KHDRBS3: variants seen among roughly 807,000 people sequenced by gnomAD.
The protein encoded by KHDRBS3 is KH RNA binding domain containing, signal transduction associated 3.
A neutral mutation model predicts 45.6 loss-of-function variants in KHDRBS3; 23 were observed. That is an observed-to-expected ratio of 0.50 (90% CI 0.36 to 0.72). The LOEUF is 0.72. Ranked by LOEUF, KHDRBS3 falls within the 30% of genes least tolerant of loss-of-function variation. The pLI is 0.00. For synonymous variants in KHDRBS3, 162 were observed against 156.5 expected (o/e 1.04, Z -0.26); for missense variants, 352 against 424.8 (o/e 0.83, Z 1.51).
intron 7 of KHDRBS3, chr8:135,625,408 G>T: frequency 1.3e-6 from 1 of 779,236 alleles, no homozygotes; most frequent in Non-Finnish European, 2.3e-6. Flanking sequence ...CAACTCAGCT[G>T]CCTCATCGTG....
chr8:135,620,893 A>C lies in KHDRBS3; in HGVS notation c.890+13856A>C, dbSNP rs1192662998. ...CCATCTCCTTTTTATAGAGTCCTGC[A>C]GCAGCAGGGACCCTTTTGTACTCAT... On this transcript the variant is annotated intron_variant, in intron 7 of 8. Coordinates refer to ENST00000355849, the MANE Select transcript of KHDRBS3 (RefSeq NM_006558.3). Among the ~76,000 whole-genome samples, 3 of 152,196 alleles carry C rather than the reference A, an allele frequency of 2.0e-5. No individual in the cohort carries two copies. In the East Asian group the frequency reaches 5.8e-4, roughly 29 times the overall value.
chr8:135,575,394 A>G (rs1424860623), intron 5 of KHDRBS3, among the ~76,000 whole-genome samples: 2 of 152,128 alleles, frequency 1.3e-5, no homozygotes, highest in Non-Finnish European at 2.9e-5. Context: ...CAGCGATGCC[A>G]CACTGTCCTT....
chr8:135,489,672 C>T (rs1374556178), intron 1 of KHDRBS3, among the ~76,000 whole-genome samples: 1 of 152,084 alleles, frequency 6.6e-6, no homozygotes, highest in Non-Finnish European at 1.5e-5. Context: ...CAGAGCGAGA[C>T]TCCATCTCAA....
chr8:135,497,125 C>T (rs1181402764), intron 1 of KHDRBS3, among the ~76,000 whole-genome samples: 5 of 151,950 alleles, frequency 3.3e-5, no homozygotes, highest in East Asian at 1.9e-4. Flanking sequence ...TTGGGACCAT[C>T]GTCGTCATTT....
Position 135,547,658 on chromosome 8 carries a change from T to G in KHDRBS3, c.325-1096T>G, listed in dbSNP as rs572718166. On this transcript the variant is annotated intron_variant, in intron 3 of 8. Transcript: ENST00000355849. ...AGGGCTATGTGCCTCTAGCATTTATTTTATTATTGGCCTCTTGCTTAATTG... is the reference window on the plus strand; with the variant it reads ...AGGGCTATGTGCCTCTAGCATTTATGTTATTATTGGCCTCTTGCTTAATTG... 2.0e-4 allele frequency among the ~76,000 whole-genome samples: 30 copies of G among 152,326 alleles called. 1 individual carries two copies. Among genetic ancestry groups the G allele is most frequent in the Admixed American group, 1.8e-3 (28 of 15,302 alleles).
At chr8:135,639,398 A>G (rs1172761596) in intron 7 of KHDRBS3, among the ~76,000 whole-genome samples, 3 of 152,184 alleles carry the variant, frequency 2.0e-5, no homozygotes, top group Admixed American at 6.5e-5. Flanking sequence ...AGGCCTGCGT[A>G]TTTGAAGGAT....
chr8:135,575,586 A>G (rs1454090775), intron 5 of KHDRBS3, among the ~76,000 whole-genome samples: 1 of 152,222 alleles, frequency 6.6e-6, no homozygotes, highest in Non-Finnish European at 1.5e-5. Context: ...GTGCTAATTA[A>G]TATCTTATTG....
chr8:135,492,451 G>A (rs994558467), intron 1 of KHDRBS3, among the ~76,000 whole-genome samples: 12 of 151,330 alleles, frequency 7.9e-5, no homozygotes, highest in African/African-American at 2.4e-4. Flanking sequence ...TGAGATATAT[G>A]TTCTACTTCC....
intron 5 of KHDRBS3, among the ~76,000 whole-genome samples, chr8:135,563,457 G>A (rs571298613): frequency 2.6e-5 from 4 of 152,306 alleles, no homozygotes; most frequent in African/African-American, 4.8e-5. Context: ...CTTCCTCTCA[G>A]CCAGAAGCTG....
chr8:135,503,865 G>C (rs112819897), intron 1 of KHDRBS3, among the ~76,000 whole-genome samples: 17 of 151,906 alleles, frequency 1.1e-4, no homozygotes, highest in African/African-American at 3.6e-4. Flanking sequence ...CTTTTTTTGT[G>C]ATCAGCATAT....
chr8:135,628,421 G>T (rs1373527820), intron 7 of KHDRBS3, among the ~76,000 whole-genome samples: 2 of 152,190 alleles, frequency 1.3e-5, no homozygotes, highest in Non-Finnish European at 2.9e-5. Context: ...CACAGTAGAA[G>T]TGGTGAGAGC....
Position 135,542,637 on chromosome 8 carries a change from T to C in KHDRBS3, c.208-17T>C, listed in dbSNP as rs200926745. ...TCACATATAAATGCTACAAATTTGG[T>C]TGTTTATTTTTCCTAGTTCAACTTT... On this transcript the variant is annotated splice_polypyrimidine_tract_variant and intron_variant, in intron 2 of 8. Coordinates refer to ENST00000355849, the MANE Select transcript of KHDRBS3 (RefSeq NM_006558.3). The C allele has an allele frequency of 1.3e-6, 2 of 1,516,052 alleles. No individual in the cohort carries two copies. Among genetic ancestry groups the C allele is most frequent in the Non-Finnish European group, 1.8e-6 (2 of 1,092,334 alleles). The allele number at this position is 1,516,052 out of a possible 1,614,324, so 93.9% of individuals were successfully genotyped here. A position where few individuals can be genotyped will look rare whatever the true frequency, so the allele number is the denominator to read the frequency against.
chr8:135,579,090 T>G (rs948164007), intron 5 of KHDRBS3, among the ~76,000 whole-genome samples: 14 of 152,186 alleles, frequency 9.2e-5, no homozygotes, highest in African/African-American at 2.9e-4. Context: ...TGAGGGGTTT[T>G]GGGGACTATT....
At chr8:135,654,856 C>A (rs1831500133) in intron 4 of KHDRBS3, among the ~76,000 whole-genome samples, 1 of 152,192 alleles carries the variant, frequency 6.6e-6, no homozygotes, top group African/African-American at 2.4e-5. Flanking sequence ...CATTGCCCAC[C>A]CTCTCTTCTT....
At chr8:135,585,228 CAAAAAA>C (rs35301059) in intron 6 of KHDRBS3, among the ~76,000 whole-genome samples, 8 of 96,154 alleles carry the variant, frequency 8.3e-5, no homozygotes, top group African/African-American at 3.4e-4. Flanking sequence ...GACTCCGTCT[CAAAAAA>C]AAAAAAAAAA....
At chr8:135,533,347 G>C (rs1008288661) in intron 2 of KHDRBS3, among the ~76,000 whole-genome samples, 1 of 152,144 alleles carries the variant, frequency 6.6e-6, no homozygotes, top group Non-Finnish European at 1.5e-5. Flanking sequence ...CTATGATCCA[G>C]TTGGATATGA....
At chr8:135,634,282 CCT>C (rs1830721555) in intron 7 of KHDRBS3, among the ~76,000 whole-genome samples, 1 of 152,166 alleles carries the variant, frequency 6.6e-6, no homozygotes, top group Admixed American at 6.5e-5. Flanking sequence ...TTTTCCCTCC[CCT>C]GTCAGCACTG....
intron 5 of KHDRBS3, among the ~76,000 whole-genome samples, chr8:135,558,362 G>A (rs1269963104): frequency 6.6e-6 from 1 of 152,150 alleles, no homozygotes; most frequent in African/African-American, 2.4e-5. Context: ...TTTGAAGTCA[G>A]TGGAAAGAAT....
Position 135,548,836 on chromosome 8 carries a change from C to T in KHDRBS3, c.407C>T (p.Pro136Leu). Reference sequence around the variant, plus strand: ...CATGTTCTCATTGAAGTGTTTGCCCCACCTGCAGAAGCTTATGCCAGGATG... The same window carrying T: ...CATGTTCTCATTGAAGTGTTTGCCCTACCTGCAGAAGCTTATGCCAGGATG... ...DLHVLIEVFA[P>L]PAEAYARMGH... Residue 136 changes from proline (P) to leucine (L), a missense_variant, in exon 4 of 9, where the codon CCA (proline) becomes CTA (leucine). Physicochemically the swap from Pro to Leu is moderately conservative, Grantham distance 98. This residue lies in a region of KHDRBS3 where 46 missense variants were observed against 45.9 expected (regional missense o/e 1.00). Transcript: ENST00000355849. 6.2e-7 allele frequency: 1 copy of T among 1,604,876 alleles called. No homozygotes were observed. Among genetic ancestry groups the T allele is most frequent in the Admixed American group, 1.7e-5 (1 of 59,224 alleles).
Sources: gnomAD v4.1 joint callset for allele counts (sites outside exome capture counted in the v4.1 genomes callset) on GRCh38, gnomAD v4.1.1 for gene constraint, gnomAD v4.1.1 regional missense constraint, MANE v1.5 for transcripts, NCBI Gene and HGNC (gene_info 2026-07-23, HGNC 2026-07-21) for gene names.